The following DOCK2 variants were observed in gnomAD, a reference collection of about 807,000 sequenced individuals.
DOCK2 encodes dedicator of cytokinesis protein 2.
Under a neutral mutation model 248.9 loss-of-function variants are expected in DOCK2, and 87 were observed. The observed-to-expected ratio is 0.35, with a 90% confidence interval of 0.29 to 0.42. DOCK2 has a LOEUF of 0.42. Among genes scored for constraint, DOCK2 ranks in the 10% least tolerant of loss-of-function variants. DOCK2 has a pLI of 1.00. For synonymous variants in DOCK2, 805 were observed against 821.6 expected, an observed-to-expected ratio of 0.98 and a Z score of 0.35; for missense variants, 1,747 against 2,300.2, an observed-to-expected ratio of 0.76 and a Z score of 4.92.
intron 27 of DOCK2, among the ~76,000 whole-genome samples, chr5:169,872,399 T>C (rs1338048999): frequency 1.3e-5 from 2 of 152,210 alleles, no homozygotes; most frequent in Non-Finnish European, 2.9e-5. Context: ...CTGGAAGGGA[T>C]ATTGTTCCTA....
intron 44 of DOCK2, among the ~76,000 whole-genome samples, chr5:170,066,365 A>C (rs917518520): frequency 2.6e-5 from 4 of 152,254 alleles, no homozygotes; most frequent in Non-Finnish European, 5.9e-5. Flanking sequence ...TAAAAATTGT[A>C]AACACATATA....
chr5:169,843,153 C>T (rs1770087506), intron 27 of DOCK2, among the ~76,000 whole-genome samples: 1 of 152,198 alleles, frequency 6.6e-6, no homozygotes, highest in African/African-American at 2.4e-5. Flanking sequence ...GTCTTACATG[C>T]AGGCTTAGCC....
chr5:169,921,842 G>C (rs1775192679), intron 27 of DOCK2, among the ~76,000 whole-genome samples: 1 of 152,152 alleles, frequency 6.6e-6, no homozygotes, highest in Non-Finnish European at 1.5e-5. Context: ...CAATTGAATA[G>C]TGCACAAATA....
chr5:169,804,496 G>GCACA (rs1561713185), intron 26 of DOCK2, among the ~76,000 whole-genome samples: 1 of 27,756 alleles, frequency 3.6e-5, no homozygotes, highest in African/African-American at 5.1e-5. Context: ...GCGCGCGCGC[G>GCACA]TGCGCGTAAG....
intron 25 of DOCK2, among the ~76,000 whole-genome samples, chr5:169,777,048 C>A (rs1322727104): frequency 6.6e-6 from 1 of 152,184 alleles, no homozygotes; most frequent in Non-Finnish European, 1.5e-5. Flanking sequence ...CCTTAATAGA[C>A]AAATCATTGT....
At position 169,717,372 on chromosome 5, in the gene DOCK2, C is replaced by G; in HGVS notation, c.2032-12C>G. The G allele has an allele frequency of 6.2e-7, 1 of 1,611,776 alleles. No homozygotes were observed. On this transcript the variant is annotated splice_polypyrimidine_tract_variant and intron_variant, in intron 20 of 51. Transcript: ENST00000520908. ...TTGCCCTGAAAATACTGCTGCCTTG[C>G]ATCTTCCTCAGATTTACATAATAGG...
At chr5:169,639,895 G>A (rs552337082) in intron 1 of DOCK2, among the ~76,000 whole-genome samples, 34 of 152,328 alleles carry the variant, frequency 2.2e-4, no homozygotes, top group Middle Eastern at 6.8e-3. Context: ...CAACTGGGTG[G>A]CTTAAACAAC....
At chr5:170,039,303 C>T (rs1481503264) in intron 36 of DOCK2, among the ~76,000 whole-genome samples, 59 of 152,208 alleles carry the variant, frequency 3.9e-4, no homozygotes, top group Non-Finnish European at 8.8e-5. Context: ...CTTCTCCCCA[C>T]CTGGATAAAG....
chr5:169,662,576 C>A (rs1758504784), intron 2 of DOCK2, among the ~76,000 whole-genome samples: 1 of 152,238 alleles, frequency 6.6e-6, no homozygotes, highest in Admixed American at 6.5e-5. Context: ...TTCTGCATGG[C>A]TGGAGAGGCC....
At chr5:169,887,710 C>T (rs1163747313) in intron 27 of DOCK2, among the ~76,000 whole-genome samples, 1 of 152,122 alleles carries the variant, frequency 6.6e-6, no homozygotes, top group Admixed American at 6.5e-5. Flanking sequence ...TCTTGGAGCT[C>T]TTGTCTAATT....
In DOCK2 at chr5:170,080,171, G is replaced by A. The variant is rs2113879191; in HGVS notation, c.5175G>A (p.Arg1725=). 2 of 1,614,018 alleles carry A rather than the reference G, an allele frequency of 1.2e-6. No individual in the cohort carries two copies. The highest frequency in any genetic ancestry group is 1.7e-6 in the Non-Finnish European group (2 of 1,179,960). The change falls in exon 50 of 52, where the codon AGG becomes AGA. Residue 1725 remains arginine, a synonymous_variant. Transcript: ENST00000520908. ...AAESDLKRLS[R]KHEFMSDTNL... ...CTGGTGTATTCCTCCAGCTTTCCAGGAAGCATGAGTTCATGAGTGACACCA... is the reference window on the plus strand; with the variant it reads ...CTGGTGTATTCCTCCAGCTTTCCAGAAAGCATGAGTTCATGAGTGACACCA...
intron 25 of DOCK2, among the ~76,000 whole-genome samples, chr5:169,768,488 G>A (rs1168196059): frequency 6.6e-6 from 1 of 152,204 alleles, no homozygotes; most frequent in Non-Finnish European, 1.5e-5. Flanking sequence ...TGAAGGATTT[G>A]TTTATTTCCA....
intron 27 of DOCK2, chr5:169,934,753 TCA>T (rs1491271895): frequency 4.2e-5 from 19 of 455,522 alleles, no homozygotes; most frequent in African/African-American, 3.8e-4. Context: ...GGATCAGTGC[TCA>T]GTAAATGCTA....
chr5:170,049,542 T>G (rs113489344), intron 40 of DOCK2, among the ~76,000 whole-genome samples: 2,664 of 152,326 alleles, frequency 0.017, 33 homozygotes, highest in Middle Eastern at 0.075. Context: ...TTAGGCAGTA[T>G]GGGTGGCACA....
intron 25 of DOCK2, among the ~76,000 whole-genome samples, chr5:169,778,914 C>T (rs184078158): frequency 6.6e-6 from 1 of 152,276 alleles, no homozygotes; most frequent in Non-Finnish European, 1.5e-5. Flanking sequence ...CAAAAAAATT[C>T]TAAGTCTAAA....
chr5:169,830,846 G>T (rs1003978724), intron 26 of DOCK2, among the ~76,000 whole-genome samples: 7 of 152,168 alleles, frequency 4.6e-5, no homozygotes, highest in African/African-American at 1.7e-4. Context: ...GAGCCCCAAG[G>T]TTACATCTAT....
rs1756766401 is a variant in DOCK2, at chr5:170,047,747, C to G, written c.4071+133C>G. ...CTCTGTCTGAGTGCTGCCCCCATCC[C>G]CAGGAGACTCCCCAGTCAATAGCCC... On this transcript the variant is annotated intron_variant, in intron 40 of 51. Coordinates refer to ENST00000520908, the MANE Select transcript of DOCK2 (RefSeq NM_004946.3). 4.9e-5 allele frequency: 34 copies of G among 687,076 alleles called. No individual in the cohort carries two copies. The South Asian group carries it at 6.5e-4, about 13-fold the overall frequency. The allele number at this position is 687,076 out of a possible 1,614,324, so 42.6% of individuals were successfully genotyped here. A position where few individuals can be genotyped will look rare whatever the true frequency, so the allele number is the denominator to read the frequency against.
intron 27 of DOCK2, among the ~76,000 whole-genome samples, chr5:169,859,973 T>C (rs1219206228): frequency 1.1e-4 from 16 of 139,146 alleles, no homozygotes; most frequent in African/African-American, 1.9e-4. Context: ...TTTTTTTTTT[T>C]TTCTTTTTTT....
chr5:170,024,393 C>G (rs1379735503), intron 33 of DOCK2, among the ~76,000 whole-genome samples: 3 of 115,308 alleles, frequency 2.6e-5, no homozygotes, highest in African/African-American at 1.1e-4. Flanking sequence ...CAGAGTCTTA[C>G]ACTCTGTCAC....
Sources: gnomAD v4.1 joint callset for allele counts (sites outside exome capture counted in the v4.1 genomes callset) on GRCh38, gnomAD v4.1.1 for gene constraint, MANE v1.5 for transcripts, NCBI Gene and HGNC (gene_info 2026-07-23, HGNC 2026-07-21) for gene names.